AGBL1: variants seen among roughly 807,000 people sequenced by gnomAD.
AGBL1 encodes the protein cytosolic carboxypeptidase 4.
Under a neutral mutation model 118.9 loss-of-function variants are expected in AGBL1, and 130 were observed. The observed-to-expected ratio is 1.09, with a 90% CI of 0.95 to 1.26. The LOEUF (loss-of-function observed/expected upper bound fraction) is 1.26. AGBL1 is among the 50% of genes most tolerant of loss of function. The pLI, the probability that AGBL1 is intolerant of heterozygous loss-of-function variation, is 0.00. For synonymous variants in AGBL1, 555 were observed against 478.9 expected (o/e 1.16, Z -2.08); for missense variants, 1,584 against 1,298.1 (o/e 1.22, Z -3.38).
intron 22 of AGBL1, among the ~76,000 whole-genome samples, chr15:86,820,321 A>C (rs1004553999): frequency 6.6e-6 from 1 of 152,230 alleles, no homozygotes; most frequent in Non-Finnish European, 1.5e-5. Context: ...GAGCTTCTGC[A>C]CAGCAAAAGA....
At chr15:86,637,025 G>C (rs943088564) in intron 21 of AGBL1, among the ~76,000 whole-genome samples, 3 of 151,786 alleles carry the variant, frequency 2.0e-5, no homozygotes, top group African/African-American at 7.2e-5. Flanking sequence ...TAGAAATGCT[G>C]GGTGACAAGC....
chr15:86,445,922 G>T (rs2082115072), intron 18 of AGBL1, among the ~76,000 whole-genome samples: 1 of 152,202 alleles, frequency 6.6e-6, no homozygotes, highest in Non-Finnish European at 1.5e-5. Flanking sequence ...TGGGGCTGTT[G>T]TGTGATAAAT....
chr15:86,190,662 A>G (rs1567115002), intron 5 of AGBL1, among the ~76,000 whole-genome samples: 1 of 152,176 alleles, frequency 6.6e-6, no homozygotes, highest in Non-Finnish European at 1.5e-5. Flanking sequence ...GTAAAGACAA[A>G]CATAACTTAC....
Position 86,154,577 on chromosome 15 carries a change from G to A in AGBL1, c.394+16G>A. 6.3e-7 allele frequency: 1 copy of A among 1,594,458 alleles called. No individual in the cohort carries two copies. The highest frequency in any genetic ancestry group is 8.6e-7 in the Non-Finnish European group (1 of 1,168,642). On this transcript the variant is annotated intron_variant, in intron 4 of 22. Transcript: ENST00000614907. Reference sequence around the variant, plus strand: ...GCCTCCAGTGGTAAGTGACTCTATTGTGGCTCTCGGGGATGGCTTCCAAAC... The same window carrying A: ...GCCTCCAGTGGTAAGTGACTCTATTATGGCTCTCGGGGATGGCTTCCAAAC...
chr15:86,744,560 G>A (rs999232121), intron 22 of AGBL1, among the ~76,000 whole-genome samples: 4 of 152,092 alleles, frequency 2.6e-5, no homozygotes, highest in East Asian at 3.9e-4. Flanking sequence ...CATCAATTCC[G>A]AAAGCAAAGG....
chr15:86,654,495 T>C (rs1283949243), intron 21 of AGBL1, among the ~76,000 whole-genome samples: 4 of 152,172 alleles, frequency 2.6e-5, no homozygotes, highest in Admixed American at 1.3e-4. Flanking sequence ...TGGCCCTGTA[T>C]GCAATGTCTC....
intron 1 of AGBL1, among the ~76,000 whole-genome samples, chr15:86,108,270 T>C (rs2141527913): frequency 6.6e-6 from 1 of 152,242 alleles, no homozygotes; most frequent in East Asian, 1.9e-4. Context: ...TTTGCAGCAA[T>C]AAACATTCAT....
chr15:86,272,094 C>T (rs989537590), intron 15 of AGBL1, among the ~76,000 whole-genome samples: 3 of 152,120 alleles, frequency 2.0e-5, no homozygotes, highest in Admixed American at 6.5e-5. Flanking sequence ...CTATCCACCC[C>T]GTGGTTTAGT....
chr15:86,950,671 A>G (rs530526258), intron 23 of AGBL1, among the ~76,000 whole-genome samples: 19 of 152,098 alleles, frequency 1.2e-4, no homozygotes, highest in African/African-American at 3.8e-4. Flanking sequence ...CTTGCAATAC[A>G]GAAATCCAAT....
chr15:86,257,387 A>G (rs1019030333), intron 8 of AGBL1, among the ~76,000 whole-genome samples: 1 of 152,232 alleles, frequency 6.6e-6, no homozygotes, highest in Non-Finnish European at 1.5e-5. Flanking sequence ...ATTGAAATAA[A>G]ACTCTTGTTA....
chr15:86,759,282 A>T (rs2141268238), intron 22 of AGBL1, among the ~76,000 whole-genome samples: 1 of 152,248 alleles, frequency 6.6e-6, no homozygotes, highest in African/African-American at 2.4e-5. Flanking sequence ...TAGTGGTTAT[A>T]AGTCCGAGTT....
At chr15:87,016,460 G>C (rs1264627451) in intron 24 of AGBL1, among the ~76,000 whole-genome samples, 1 of 152,116 alleles carries the variant, frequency 6.6e-6, no homozygotes, top group Non-Finnish European at 1.5e-5. Flanking sequence ...CCCAACAAAG[G>C]AAGTCTCAAC....
chr15:86,987,266 T>A (rs966037716), intron 23 of AGBL1, among the ~76,000 whole-genome samples: 13 of 152,180 alleles, frequency 8.5e-5, no homozygotes, highest in Non-Finnish European at 1.5e-4. Context: ...ACAGTTGACA[T>A]CATTGTCAGT....
chr15:86,497,628 C>T (rs2082869841), intron 18 of AGBL1, among the ~76,000 whole-genome samples: 1 of 151,886 alleles, frequency 6.6e-6, no homozygotes, highest in Non-Finnish European at 1.5e-5. Context: ...GAATAAATCT[C>T]CCATTTTCTG....
At chr15:86,526,575 C>CAT (rs2083268251) in intron 19 of AGBL1, among the ~76,000 whole-genome samples, 1 of 79,428 alleles carries the variant, frequency 1.3e-5, no homozygotes, top group African/African-American at 5.3e-5. Flanking sequence ...TATATATATA[C>CAT]ACACAGAGTA....
chr15:86,511,743 A>G (rs1300887251), intron 18 of AGBL1, among the ~76,000 whole-genome samples: 2 of 151,998 alleles, frequency 1.3e-5, no homozygotes, highest in East Asian at 3.9e-4. Flanking sequence ...GATGATGATG[A>G]TTGAGATAAT....
At chr15:86,225,434 G>A (rs141984860) in intron 6 of AGBL1, among the ~76,000 whole-genome samples, 1 of 152,294 alleles carries the variant, frequency 6.6e-6, no homozygotes, top group African/African-American at 2.4e-5. Context: ...TTCTTGGGCA[G>A]GTGGAGTGCT....
chr15:86,752,639 T>C (rs2077872469), intron 22 of AGBL1, among the ~76,000 whole-genome samples: 1 of 152,006 alleles, frequency 6.6e-6, no homozygotes, highest in Non-Finnish European at 1.5e-5. Flanking sequence ...GCAGGAAGGC[T>C]CCCTGTACTC....
chr15:86,262,464 C>T (rs931815181), intron 9 of AGBL1, among the ~76,000 whole-genome samples: 1 of 152,078 alleles, frequency 6.6e-6, no homozygotes, highest in African/African-American at 2.4e-5. Flanking sequence ...ACGATAGTGG[C>T]AATGAGATAA....
Sources: gnomAD v4.1 joint callset for allele counts (sites outside exome capture counted in the v4.1 genomes callset) on GRCh38, gnomAD v4.1.1 for gene constraint, MANE v1.5 for transcripts, NCBI Gene and HGNC (gene_info 2026-07-23, HGNC 2026-07-21) for gene names.